IQCM: variants seen among roughly 807,000 people sequenced by gnomAD.
The protein encoded by IQCM is IQ motif containing M.
In IQCM, 45 loss-of-function variants were observed where a neutral mutation model predicts 57.6. The ratio of observed to expected loss-of-function variants is 0.78; its 90% confidence interval spans 0.62 to 1.00. The LOEUF is 1.00. Ranked by LOEUF, IQCM falls within the 50% of genes least tolerant of loss-of-function variation. The pLI is 0.00. For synonymous variants in IQCM, 148 were observed against 158.9 expected (o/e 0.93, Z 0.51); for missense variants, 468 against 511.6 (o/e 0.91, Z 0.82).
chr4:149,433,627 G>A (rs4438742), intron 12 of IQCM, 70 bp from the exon 13 acceptor site: 146,017 of 565,182 alleles, frequency 0.26, 21,172 homozygotes, highest in Non-Finnish European at 0.29. Context: ...TTCTTTTAAG[G>A]GATGCAAATT....
At chr4:149,535,228 A>G (rs1215431863) in intron 12 of IQCM, among the ~76,000 whole-genome samples, 2 of 152,070 alleles carry the variant, frequency 1.3e-5, no homozygotes, top group African/African-American at 2.4e-5. Flanking sequence ...GCCAGAAAAA[A>G]TAAAAATATC....
chr4:149,433,622 T>C, intron 12 of IQCM, 65 bp from the exon 13 acceptor site: 1 of 605,920 alleles, frequency 1.7e-6, no homozygotes, highest in East Asian at 3.5e-5. Flanking sequence ...CTTGCTTCTT[T>C]TAAGGGATGC....
At chr4:149,547,896 C>T (rs1308722189) in intron 12 of IQCM, among the ~76,000 whole-genome samples, 1 of 152,134 alleles carries the variant, frequency 6.6e-6, no homozygotes, top group African/African-American at 2.4e-5. Context: ...ACTTTTGTGA[C>T]AATTTACATC....
chr4:149,658,430 G>A (rs1455699240), intron 7 of IQCM, among the ~76,000 whole-genome samples: 1 of 152,076 alleles, frequency 6.6e-6, no homozygotes, highest in Non-Finnish European at 1.5e-5. Flanking sequence ...TTTAAGTCAT[G>A]TTGTGTAATG....
At chr4:149,497,131 C>T (rs79001222) in intron 12 of IQCM, among the ~76,000 whole-genome samples, 4,449 of 152,132 alleles carry the variant, frequency 0.029, 182 homozygotes, top group African/African-American at 0.099. Context: ...AGAGTCTAGC[C>T]CATTTCCTAG....
At chr4:149,604,645 G>A (rs1259339788) in intron 8 of IQCM, among the ~76,000 whole-genome samples, 1 of 152,130 alleles carries the variant, frequency 6.6e-6, no homozygotes, top group Admixed American at 6.5e-5. Context: ...CATGTCTGGT[G>A]TATTTTGTTT....
chr4:149,599,080 G>C (rs984021189), intron 8 of IQCM, among the ~76,000 whole-genome samples: 3 of 152,154 alleles, frequency 2.0e-5, no homozygotes, highest in African/African-American at 7.2e-5. Context: ...TTGCCCTAGA[G>C]AAACTGACAC....
At chr4:149,804,766 A>C (rs972538401) in intron 2 of IQCM, among the ~76,000 whole-genome samples, 2 of 152,066 alleles carry the variant, frequency 1.3e-5, no homozygotes, top group Admixed American at 6.6e-5. Flanking sequence ...GTAACATGTG[A>C]GATAAACAGT....
intron 7 of IQCM, among the ~76,000 whole-genome samples, chr4:149,621,835 GATTT>G (rs1756362442): frequency 6.6e-6 from 1 of 151,046 alleles, no homozygotes; most frequent in Non-Finnish European, 1.5e-5. Context: ...AGAGATTTAA[GATTT>G]ATTTGTCCAT....
At chr4:149,740,475 A>AGG (rs1767354638) in intron 3 of IQCM, among the ~76,000 whole-genome samples, 1 of 152,034 alleles carries the variant, frequency 6.6e-6, no homozygotes, top group Non-Finnish European at 1.5e-5. Flanking sequence ...ATAGAAGCCA[A>AGG]CATAAACCAC....
At chr4:149,653,121 C>A (rs1313963195) in intron 7 of IQCM, among the ~76,000 whole-genome samples, 1 of 151,938 alleles carries the variant, frequency 6.6e-6, no homozygotes, top group Admixed American at 6.6e-5. Context: ...TCTTAACTAA[C>A]CAAAATTTTG....
At chr4:149,433,254 C>T (rs1005641051) in intron 13 of IQCM, 142 bp downstream of exon 13, 1 of 413,332 alleles carries the variant, frequency 2.4e-6, no homozygotes, top group Non-Finnish European at 4.1e-6. Context: ...AAATTGCAGG[C>T]AGAGTATCTA....
chr4:149,420,242 C>G (rs901992112), intron 13 of IQCM, among the ~76,000 whole-genome samples: 3 of 152,156 alleles, frequency 2.0e-5, no homozygotes, highest in African/African-American at 7.2e-5. Context: ...GGAATCAAAC[C>G]AAATGCCCAT....
At chr4:149,522,112 C>T (rs1391462670) in intron 12 of IQCM, among the ~76,000 whole-genome samples, 2 of 152,168 alleles carry the variant, frequency 1.3e-5, no homozygotes, top group South Asian at 2.1e-4. Context: ...GAGTTTCTGA[C>T]ATCTGATGCT....
At chr4:149,441,631 G>A (rs759741624) in intron 12 of IQCM, among the ~76,000 whole-genome samples, 6 of 151,896 alleles carry the variant, frequency 4.0e-5, no homozygotes, top group Non-Finnish European at 8.8e-5. Flanking sequence ...CCATTAATAC[G>A]GTTTCTGTCA....
rs368250783 is a variant in IQCM at position 149,693,965 on chromosome 4, A to G, written c.386-7497T>C. On this transcript the variant is annotated intron_variant, in intron 5 of 13. Transcript: ENST00000636793. The stretch of plus-strand genomic sequence containing the variant: ...TCTTAACATTGAAACAATTTGCAGC[A>G]CTCATTGTTTGGTTGGCCCACCATC... Among the ~76,000 whole-genome samples the G allele has an allele frequency of 4.6e-5, 7 of 152,234 alleles. No homozygotes were observed. The East Asian group carries it at 1.2e-3, about 25-fold the overall frequency.
At position 149,686,404 on chromosome 4, in the gene IQCM, T is replaced by C; in HGVS notation, c.450A>G (p.Ala150=). The change falls in exon 6 of 14, where the codon GCA becomes GCG. Residue 150 remains alanine (A), a synonymous_variant. Coordinates refer to ENST00000636793, the MANE Select transcript of IQCM (RefSeq NM_001363507.2). ...TGGACTCCTCAAAGTGCTGTTGCTTTGCTGTCTCCATTTTTTTACTCACTG... is the reference window on the plus strand; with the variant it reads ...TGGACTCCTCAAAGTGCTGTTGCTTCGCTGTCTCCATTTTTTTACTCACTG... ...IEPVSKKMET[A]KQQHFEESRN... is the part of the protein sequence containing the mutation. 1 of 1,226,090 alleles carries C rather than the reference T, an allele frequency of 8.2e-7. No homozygotes were observed. Among genetic ancestry groups the C allele is most frequent in the Middle Eastern group, 3.1e-4 (1 of 3,188 alleles). 76.0% of individuals were successfully genotyped at this position (1,226,090 alleles called of 1,614,324 possible).
At chr4:149,815,405 C>T (rs892135870) in intron 1 of IQCM, 57 bp from the exon 2 acceptor site, 1 of 151,846 alleles carries the variant, frequency 6.6e-6, no homozygotes, top group Non-Finnish European at 1.5e-5. Flanking sequence ...AAACAAAAAA[C>T]ATTGTCAACC....
intron 7 of IQCM, among the ~76,000 whole-genome samples, chr4:149,637,075 G>A (rs1217854932): frequency 1.3e-5 from 2 of 150,086 alleles, no homozygotes; most frequent in African/African-American, 4.9e-5. Flanking sequence ...CCCGGGAAGC[G>A]GAGCTTGCAG....
Sources: allele counts gnomAD v4.1 joint callset (sites outside exome capture counted in the v4.1 genomes callset), GRCh38; gene constraint gnomAD v4.1.1; transcripts MANE v1.5; gene names NCBI Gene and HGNC (gene_info 2026-07-23, HGNC 2026-07-21).